The following RSRC1 variants were observed in gnomAD, a reference collection of about 807,000 sequenced individuals.
The protein encoded by RSRC1 is arginine and serine rich coiled-coil 1.
In RSRC1, 39 loss-of-function variants were observed where a neutral mutation model predicts 49.1. The ratio of observed to expected loss-of-function variants is 0.79; its 90% CI spans 0.61 to 1.04. The LOEUF (loss-of-function observed/expected upper bound fraction) is 1.04, where lower values mean the gene tolerates loss of function less well. Among genes scored for constraint, RSRC1 ranks in the 50% least tolerant of loss-of-function variants. The pLI is 0.00. For missense variants in RSRC1, 388 were observed against 402.4 expected (o/e 0.96, Z 0.31); for synonymous variants, 143 against 130.8 (o/e 1.09, Z -0.63).
intron 3 of RSRC1, among the ~76,000 whole-genome samples, chr3:158,168,806 A>G (rs1410593116): frequency 6.6e-6 from 1 of 152,146 alleles, no homozygotes; most frequent in Non-Finnish European, 1.5e-5. Flanking sequence ...AACATTGCTT[A>G]AAACCATTTT....
intron 6 of RSRC1, among the ~76,000 whole-genome samples, chr3:158,360,214 A>C (rs2108248952): frequency 6.6e-6 from 1 of 152,180 alleles, no homozygotes; most frequent in South Asian, 2.1e-4. Flanking sequence ...TGCAGCTCTC[A>C]GCAGAGAAGG....
At chr3:158,123,169 A>C (rs959342063) in intron 2 of RSRC1, among the ~76,000 whole-genome samples, 2 of 152,118 alleles carry the variant, frequency 1.3e-5, no homozygotes, top group Non-Finnish European at 2.9e-5. Context: ...CACTATGCCC[A>C]GCTAGTTTTG....
intron 3 of RSRC1, among the ~76,000 whole-genome samples, chr3:158,201,620 T>C (rs1286874813): frequency 6.6e-6 from 1 of 152,210 alleles, no homozygotes; most frequent in African/African-American, 2.4e-5. Flanking sequence ...TTTCCTCTGT[T>C]ATTACCAGTG....
intron 3 of RSRC1, among the ~76,000 whole-genome samples, chr3:158,151,025 G>C (rs1256541598): frequency 6.6e-6 from 1 of 152,012 alleles, no homozygotes; most frequent in Non-Finnish European, 1.5e-5. Context: ...ACTTGATATT[G>C]CCCATATACC....
At chr3:158,199,442 G>T (rs112090826) in intron 3 of RSRC1, among the ~76,000 whole-genome samples, 7 of 151,824 alleles carry the variant, frequency 4.6e-5, no homozygotes. Flanking sequence ...GATGAGTTTC[G>T]CTGAGACATT....
chr3:158,298,204 GTTA>G (rs1727346644), intron 5 of RSRC1, 129 bp downstream of exon 5: 3 of 657,260 alleles, frequency 4.6e-6, no homozygotes, highest in Non-Finnish European at 7.8e-6. Flanking sequence ...TCAGCTTACT[GTTA>G]TTATGTGAAG....
chr3:158,285,912 A>G (rs1029316781), intron 4 of RSRC1, among the ~76,000 whole-genome samples: 24 of 152,210 alleles, frequency 1.6e-4, no homozygotes, highest in Non-Finnish European at 3.4e-4. Context: ...TGCCCTGGCC[A>G]GAACTTCCAA....
intron 6 of RSRC1, among the ~76,000 whole-genome samples, chr3:158,432,317 T>A (rs1291726337): frequency 1.3e-5 from 2 of 151,982 alleles, no homozygotes; most frequent in East Asian, 3.9e-4. Flanking sequence ...ATTATCAATA[T>A]TTTAAGCAAA....
At position 158,381,992 on chromosome 3, in the gene RSRC1, A is replaced by G. The variant is rs953251009; in HGVS notation, c.583+27084A>G. ...GCTACTGTAACTTTTTACTTTATAA[A>G]TTTTAATTTTTTTTAACTTATTGAC... On this transcript the variant is annotated intron_variant, in intron 6 of 9. Coordinates refer to ENST00000611884, the MANE Select transcript of RSRC1 (RefSeq NM_001271838.2). Among the ~76,000 whole-genome samples, 80 of 152,254 alleles carry G rather than the reference A, an allele frequency of 5.3e-4. 2 individuals carry two copies. The highest frequency in any genetic ancestry group is 8.3e-4 in the South Asian group (4 of 4,820).
At chr3:158,486,433 A>T (rs913755761) in intron 7 of RSRC1, among the ~76,000 whole-genome samples, 11 of 152,180 alleles carry the variant, frequency 7.2e-5, no homozygotes, top group Non-Finnish European at 1.5e-5. Flanking sequence ...TCTTGTTCTA[A>T]AAAAGTTTGC....
At chr3:158,159,112 G>A (rs1245343959) in intron 3 of RSRC1, among the ~76,000 whole-genome samples, 1 of 152,102 alleles carries the variant, frequency 6.6e-6, no homozygotes, top group East Asian at 1.9e-4. Context: ...AGTGTAGTTT[G>A]GCTGGCCTGG....
At chr3:158,116,213 A>C (rs905208812) in intron 1 of RSRC1, among the ~76,000 whole-genome samples, 1 of 152,204 alleles carries the variant, frequency 6.6e-6, no homozygotes, top group Non-Finnish European at 1.5e-5. Flanking sequence ...TTTTATCATC[A>C]GCAATGAATA....
At chr3:158,391,026 T>C (rs2108294086) in intron 6 of RSRC1, among the ~76,000 whole-genome samples, 1 of 152,298 alleles carries the variant, frequency 6.6e-6, no homozygotes, top group African/African-American at 2.4e-5. Context: ...GCGTATCTGC[T>C]TCATGATAGA....
chr3:158,444,311 T>C (rs1209650238), intron 6 of RSRC1, among the ~76,000 whole-genome samples: 1 of 152,036 alleles, frequency 6.6e-6, no homozygotes, highest in Non-Finnish European at 1.5e-5. Flanking sequence ...AAAACAGAGA[T>C]ATAGACCAAT....
chr3:158,202,562 T>TTATATATATATATA lies in RSRC1; in HGVS notation c.321-504_321-491dup, dbSNP rs56789942. ...TCTGTAGGGTTGTCAGTCTGGTAGA[T>TTATATATATATATA]TATATATATATATATATATGTTTTA... On this transcript the variant is annotated intron_variant, in intron 3 of 9. Coordinates refer to ENST00000611884, the MANE Select transcript of RSRC1 (RefSeq NM_001271838.2). 4.7e-3 allele frequency among the ~76,000 whole-genome samples: 434 copies of TTATATATATATATA among 91,994 alleles called. 19 individuals carry two copies. Among genetic ancestry groups the TTATATATATATATA allele is most frequent in the African/African-American group, 0.018 (334 of 18,924 alleles). The allele number at this position is 91,994 out of a possible 152,430, so 60.4% of individuals were successfully genotyped here.
chr3:158,249,745 A>G (rs1049133963), intron 4 of RSRC1, among the ~76,000 whole-genome samples: 2 of 152,044 alleles, frequency 1.3e-5, no homozygotes, highest in African/African-American at 4.8e-5. Flanking sequence ...ATATTTTGAT[A>G]TAGTATATAA....
intron 7 of RSRC1, among the ~76,000 whole-genome samples, chr3:158,487,144 A>G (rs1174797836): frequency 6.6e-6 from 1 of 152,248 alleles, no homozygotes; most frequent in African/African-American, 2.4e-5. Context: ...TGTTGCACAG[A>G]TAAGCACTTG....
chr3:158,135,401 C>G (rs1002451206), intron 3 of RSRC1, among the ~76,000 whole-genome samples: 3 of 151,112 alleles, frequency 2.0e-5, no homozygotes, highest in African/African-American at 7.3e-5. Context: ...TCCCGAGTAG[C>G]TGGGATTACA....
rs35460810 is a variant in RSRC1, at chr3:158,147,102, C to CTTTTTT, written c.320+23133_320+23138dup. On this transcript the variant is annotated intron_variant, in intron 3 of 9. Transcript: ENST00000611884. ...CCTTTTCTTTCTTCTGCTTTTCTGCCTTTTTTTTTTTTTTTTTTTTTTTTT... is the reference window on the plus strand; with the variant it reads ...CCTTTTCTTTCTTCTGCTTTTCTGCCTTTTTTTTTTTTTTTTTTTTTTTTTTTTTTT... Among the ~76,000 whole-genome samples, 30 of 34,734 alleles carry CTTTTTT rather than the reference C, an allele frequency of 8.6e-4. 2 individuals are homozygous for CTTTTTT. Among genetic ancestry groups the CTTTTTT allele is most frequent in the African/African-American group, 3.2e-3 (21 of 6,614 alleles). The allele number at this position is 34,734 out of a possible 152,430, so 22.8% of individuals were successfully genotyped here.
Sources: allele counts gnomAD v4.1 joint callset (sites outside exome capture counted in the v4.1 genomes callset), GRCh38; gene constraint gnomAD v4.1.1; transcripts MANE v1.5; gene names NCBI Gene and HGNC (gene_info 2026-07-23, HGNC 2026-07-21).